The following ANKS1B variants were observed in gnomAD, a reference collection of about 807,000 sequenced individuals.
ANKS1B encodes ankyrin repeat and sterile alpha motif domain containing 1B, also known as ankyrin repeat and sterile alpha motif domain-containing protein 1B.
ANKS1B carries 36 observed loss-of-function variants against 148.3 expected under a neutral mutation model. That is an observed-to-expected ratio of 0.24 (90% CI 0.19 to 0.32). ANKS1B has a LOEUF of 0.32. Ranked by LOEUF, ANKS1B falls within the 10% of genes least tolerant of loss-of-function variation. The pLI is 1.00. For missense variants in ANKS1B, 1,157 were observed against 1,542.6 expected, an observed-to-expected ratio of 0.75 and a Z score of 4.19; for synonymous variants, 542 against 560.8, an observed-to-expected ratio of 0.97 and a Z score of 0.47.
intron 12 of ANKS1B, among the ~76,000 whole-genome samples, chr12:99,298,847 C>T (rs1280429632): frequency 1.3e-5 from 2 of 152,066 alleles, no homozygotes; most frequent in African/African-American, 4.8e-5. Context: ...CTCTACAACC[C>T]AATTTTCCAA....
chr12:98,905,731 C>T (rs944126515), intron 17 of ANKS1B, among the ~76,000 whole-genome samples: 8 of 151,938 alleles, frequency 5.3e-5, no homozygotes, highest in African/African-American at 1.9e-4. Context: ...AAGATCGTAC[C>T]ATTGCACTCC....
chr12:98,806,246 T>G lies in ANKS1B; in HGVS notation c.3141+1598A>C, dbSNP rs146159380. Among the ~76,000 whole-genome samples, 993 of 152,336 alleles carry G rather than the reference T, an allele frequency of 6.5e-3. 8 individuals are homozygous for G. The highest frequency in any genetic ancestry group is 0.023 in the African/African-American group (963 of 41,570). Reference sequence around the variant, plus strand: ...GATAATTAAAAGCCATGCTTACAACTTACTTTTCTAACATTAATAGAAAAG... The same window carrying G: ...GATAATTAAAAGCCATGCTTACAACGTACTTTTCTAACATTAATAGAAAAG... On this transcript the variant is annotated intron_variant, in intron 20 of 26. Coordinates refer to ENST00000683438, the MANE Select transcript of ANKS1B (RefSeq NM_001352186.2).
chr12:99,188,240 A>G (rs1853484438), intron 14 of ANKS1B, among the ~76,000 whole-genome samples: 1 of 152,182 alleles, frequency 6.6e-6, no homozygotes, highest in South Asian at 2.1e-4. Flanking sequence ...CCACACAATA[A>G]TAGTGGGAGA....
At chr12:99,268,224 G>C (rs2076654011) in intron 12 of ANKS1B, among the ~76,000 whole-genome samples, 1 of 152,110 alleles carries the variant, frequency 6.6e-6, no homozygotes, top group South Asian at 2.1e-4. Flanking sequence ...GGCAACTGAT[G>C]CACAAACTCT....
At chr12:98,807,954 A>G in intron 19 of ANKS1B, 36 bp from the exon 20 acceptor site, 1 of 1,535,506 alleles carries the variant, frequency 6.5e-7, no homozygotes, top group Non-Finnish European at 9.0e-7. Context: ...TCTTGTCAAT[A>G]TTTAAAACAT....
At chr12:99,418,732 G>A (rs1216032476) in intron 11 of ANKS1B, among the ~76,000 whole-genome samples, 1 of 152,066 alleles carries the variant, frequency 6.6e-6, no homozygotes, top group Non-Finnish European at 1.5e-5. Context: ...CCTAATCTTA[G>A]AAAGAAAGTC....
intron 2 of ANKS1B, among the ~76,000 whole-genome samples, chr12:99,817,671 G>A (rs1264733009): frequency 1.3e-5 from 2 of 151,602 alleles, no homozygotes; most frequent in African/African-American, 4.8e-5. Context: ...ATCCTTGCCA[G>A]TAGCTATTAT....
intron 9 of ANKS1B, among the ~76,000 whole-genome samples, chr12:99,640,231 C>T (rs2098288648): frequency 6.6e-6 from 1 of 151,992 alleles, no homozygotes; most frequent in South Asian, 2.1e-4. Context: ...AACGATCATA[C>T]AAACAATTCA....
At chr12:99,904,589 G>A (rs763365511) in intron 1 of ANKS1B, among the ~76,000 whole-genome samples, 13 of 152,088 alleles carry the variant, frequency 8.5e-5, no homozygotes, top group African/African-American at 1.2e-4. Flanking sequence ...TTCCCTACTT[G>A]AGTGCCAACT....
chr12:99,395,372 C>A (rs1593888506), intron 12 of ANKS1B, among the ~76,000 whole-genome samples: 1 of 152,146 alleles, frequency 6.6e-6, no homozygotes, highest in Admixed American at 6.5e-5. Flanking sequence ...CTATCCCTCA[C>A]CCTCTCTTCT....
Position 98,966,806 on chromosome 12 carries a change from G to A in ANKS1B, c.2778+86351C>T, listed in dbSNP as rs150553356. The stretch of plus-strand genomic sequence containing the variant: ...TCGCAAGGATAAAAAACCAAACACC[G>A]CATGTTCTCACTCACAGGTGGGAAT... On this transcript the variant is annotated intron_variant, in intron 17 of 26. Coordinates refer to ENST00000683438, the MANE Select transcript of ANKS1B (RefSeq NM_001352186.2). Among the ~76,000 whole-genome samples the A allele has an allele frequency of 4.5e-3, 665 of 146,840 alleles. 6 individuals carry two copies. Among genetic ancestry groups the A allele is most frequent in the African/African-American group, 0.016 (622 of 40,010 alleles).
At chr12:99,807,347 G>A (rs1602565285) in intron 3 of ANKS1B, among the ~76,000 whole-genome samples, 1 of 152,086 alleles carries the variant, frequency 6.6e-6, no homozygotes, top group East Asian at 1.9e-4. Flanking sequence ...GCTTATAAGG[G>A]TTCAGTTGAA....
At chr12:98,949,435 G>T (rs954099583) in intron 17 of ANKS1B, among the ~76,000 whole-genome samples, 2 of 152,282 alleles carry the variant, frequency 1.3e-5, no homozygotes, top group South Asian at 2.1e-4. Context: ...AAACTAGGAG[G>T]TAGGATGCCA....
At chr12:99,031,100 G>T (rs2099951838) in intron 17 of ANKS1B, among the ~76,000 whole-genome samples, 1 of 152,144 alleles carries the variant, frequency 6.6e-6, no homozygotes, top group Admixed American at 6.5e-5. Flanking sequence ...TTCTTCTGGT[G>T]CTACTAACGT....
intron 9 of ANKS1B, among the ~76,000 whole-genome samples, chr12:99,604,307 A>C (rs2153307123): frequency 6.6e-6 from 1 of 152,210 alleles, no homozygotes; most frequent in South Asian, 2.1e-4. Context: ...CAGGTTTAGC[A>C]TCCCTTATTA....
chr12:99,709,563 T>C (rs2056336180), intron 8 of ANKS1B, among the ~76,000 whole-genome samples: 1 of 152,158 alleles, frequency 6.6e-6, no homozygotes, highest in Non-Finnish European at 1.5e-5. Context: ...ATTAGGTAAC[T>C]TTTCCAAGTT....
chr12:99,194,555 A>G (rs2153888288), intron 14 of ANKS1B, among the ~76,000 whole-genome samples: 1 of 152,324 alleles, frequency 6.6e-6, no homozygotes, highest in African/African-American at 2.4e-5. Context: ...GAAACAAAAA[A>G]GAAATGGATA....
chr12:99,898,829 GTGA>G (rs576024840), intron 1 of ANKS1B, among the ~76,000 whole-genome samples: 15 of 151,912 alleles, frequency 9.9e-5, no homozygotes, highest in African/African-American at 2.7e-4. Flanking sequence ...TAACAAGATG[GTGA>G]TGATGATGAT....
chr12:99,725,236 A>T (rs1000154775), intron 8 of ANKS1B, among the ~76,000 whole-genome samples: 1 of 152,236 alleles, frequency 6.6e-6, no homozygotes, highest in African/African-American at 2.4e-5. Flanking sequence ...GTCAAGACCC[A>T]TCAGTGTGCT....
Sources: gnomAD v4.1 joint callset for allele counts (sites outside exome capture counted in the v4.1 genomes callset) on GRCh38, gnomAD v4.1.1 for gene constraint, MANE v1.5 for transcripts, NCBI Gene and HGNC (gene_info 2026-07-23, HGNC 2026-07-21) for gene names.